The following COG8 variants were observed in gnomAD, a reference collection of about 807,000 sequenced individuals.
The protein encoded by COG8 is conserved oligomeric Golgi complex subunit 8.
Under a neutral mutation model 46.5 loss-of-function variants are expected in COG8, and 45 were observed. That is an observed-to-expected ratio of 0.97 (90% CI 0.76 to 1.24). The LOEUF is 1.24. COG8 is among the 50% of genes most tolerant of loss of function. The pLI is 0.00. For synonymous variants in COG8, 407 were observed against 347.8 expected, an observed-to-expected ratio of 1.17 and a Z score of -1.90; for missense variants, 793 against 820.8, an observed-to-expected ratio of 0.97 and a Z score of 0.41.
intron 5 of COG8, 103 bp from the exon 6 acceptor site, chr16:69,329,282 G>C (rs961881992): frequency 8.0e-7 from 1 of 1,255,388 alleles, no homozygotes; most frequent in African/African-American, 1.6e-5. Flanking sequence ...ATTGACAAGA[G>C]GCAACAGCAG....
chr16:69,329,568 G>A (rs1965718072), intron 5 of COG8, among the ~76,000 whole-genome samples: 1 of 152,202 alleles, frequency 6.6e-6, no homozygotes, highest in South Asian at 2.1e-4. Context: ...TGCTGTGCAG[G>A]AACAATCACC....
intron 1 of COG8, 60 bp downstream of exon 1, chr16:69,339,116 A>G: frequency 6.2e-7 from 1 of 1,610,220 alleles, no homozygotes; most frequent in Non-Finnish European, 8.5e-7. Flanking sequence ...AGTTATTTCT[A>G]CCATCGTAAA....
chr16:69,339,056 A>G, intron 1 of COG8, 120 bp downstream of exon 1: 1 of 1,388,736 alleles, frequency 7.2e-7, no homozygotes, highest in Non-Finnish European at 1.0e-6. Context: ...TAAATGGATT[A>G]ATAAAGCGCT....
Position 69,336,622 on chromosome 16 carries a change from C to T in COG8, c.468G>A (p.Leu156=). 6.2e-7 allele frequency: 1 copy of T among 1,614,144 alleles called. No homozygotes were observed. The highest frequency in any genetic ancestry group is 1.7e-5 in the Admixed American group (1 of 60,028). ...AGGTGTCCATGAGCTGAGGAATCTCCAGTATTTCCAAAATTTCTGTGTGCC... is the reference window on the plus strand; with the variant it reads ...AGGTGTCCATGAGCTGAGGAATCTCTAGTATTTCCAAAATTTCTGTGTGCC... The part of the protein sequence containing the change: ...LNRHTEILEI[L]EIPQLMDTCV... The change falls in exon 2 of 6, where the codon CTG becomes CTA. Residue 156 remains leucine (L), a synonymous_variant. Transcript: ENST00000306875.
At chr16:69,330,059 C>T in intron 5 of COG8, 2 of 1,556,792 alleles carry the variant, frequency 1.3e-6, no homozygotes, top group Non-Finnish European at 8.7e-7. Flanking sequence ...GCTCTCGCAG[C>T]CCTCGGGAAA....
intron 4 of COG8, among the ~76,000 whole-genome samples, 171 bp from the exon 5 acceptor site, chr16:69,331,266 C>G (rs1046684095): frequency 2.0e-5 from 3 of 151,582 alleles, no homozygotes; most frequent in Non-Finnish European, 4.4e-5. Flanking sequence ...CAGCCTGACC[C>G]ACACGGAGAA....
Position 69,332,821 on chromosome 16 carries a change from T to TG in COG8, c.1474dup (p.Gln492ProfsTer48). On this transcript the variant is annotated frameshift_variant, in exon 4 of 6. Transcript: ENST00000306875. LOFTEE classifies it high-confidence loss of function. ...AGTGCAGAACTGGACAAAGAGCTCTTGCTCCCCGCTGCTGAAGGCAGCCTC... is the reference window on the plus strand; with the variant it reads ...AGTGCAGAACTGGACAAAGAGCTCTTGGCTCCCCGCTGCTGAAGGCAGCCTC... 6.2e-7 allele frequency: 1 copy of TG among 1,614,222 alleles called. No individual in the cohort carries two copies. The highest frequency in any genetic ancestry group is 8.5e-7 in the Non-Finnish European group (1 of 1,180,026).
rs1383584560 is a variant in COG8 at position 69,327,823 on chromosome 16, G to T, written c.*1383C>A. The T allele has an allele frequency of 6.6e-6, 1 of 151,460 alleles. No individual in the cohort carries two copies. Among genetic ancestry groups the T allele is most frequent in the Non-Finnish European group, 1.5e-5 (1 of 67,982 alleles). The allele number at this position is 151,460 out of a possible 1,614,324, so 9.4% of individuals were successfully genotyped here. ...GACCAGGAATTTGAGGCCAGCCTGG[G>T]CAACATAGTAAGACCCCCGTCTCTA... On this transcript the variant is annotated 3_prime_UTR_variant, in exon 6 of 6. Transcript: ENST00000306875.
intron 5 of COG8, chr16:69,330,268 C>T: frequency 7.0e-7 from 1 of 1,436,874 alleles, no homozygotes; most frequent in Non-Finnish European, 9.1e-7. Flanking sequence ...GCCGCATCAC[C>T]TGGACCAGCC....
Position 69,328,945 on chromosome 16 carries a change from CAAGT to C in COG8, c.*257_*260del. 1 of 1,541,720 alleles carries C rather than the reference CAAGT, an allele frequency of 6.5e-7. No individual in the cohort carries two copies. Among genetic ancestry groups the C allele is most frequent in the Non-Finnish European group, 8.7e-7 (1 of 1,153,606 alleles). The stretch of plus-strand genomic sequence containing the variant: ...ATATGCGAGCCATCCAAGTTGATGC[CAAGT>C]AAGATTTGCCCAGCTCAAAGTGAAA... On this transcript the variant is annotated 3_prime_UTR_variant, in exon 6 of 6. Coordinates refer to ENST00000306875, the MANE Select transcript of COG8 (RefSeq NM_032382.5).
chr16:69,332,897 C>T lies in COG8; in HGVS notation c.1414-15G>A, dbSNP rs747470885. Reference sequence around the variant, plus strand: ...ATTTTAGTTACCTAAGAGACAAGGGCACCGTCAATTACTGGGACAGCCTAT... The same window carrying T: ...ATTTTAGTTACCTAAGAGACAAGGGTACCGTCAATTACTGGGACAGCCTAT... On this transcript the variant is annotated splice_polypyrimidine_tract_variant and intron_variant, in intron 3 of 5. Coordinates refer to ENST00000306875, the MANE Select transcript of COG8 (RefSeq NM_032382.5). The T allele has an allele frequency of 1.2e-6, 2 of 1,613,742 alleles. No homozygotes were observed. Among genetic ancestry groups the T allele is most frequent in the African/African-American group, 2.7e-5 (2 of 74,916 alleles).
intron 3 of COG8, among the ~76,000 whole-genome samples, chr16:69,333,092 T>G (rs536279793): frequency 3.9e-5 from 6 of 152,188 alleles, no homozygotes; most frequent in Non-Finnish European, 5.9e-5. Context: ...AGACCCAACT[T>G]GTTACATTAC....
rs571595612 is a variant in COG8 at position 69,334,938 on chromosome 16, G to C, written c.996C>G (p.Thr332=). Residue 332 remains threonine (T), a synonymous_variant, in exon 3 of 6, where the codon ACC becomes ACG. Coordinates refer to ENST00000306875, the MANE Select transcript of COG8 (RefSeq NM_032382.5). ...KVSQFLQVLE[T]DLYRGIGGHL... is the part of the protein sequence containing the mutation. ...GGCCGCCTATGCCCCGGTAAAGGTC[G>C]GTCTCCAGCACCTGCAGGAATTGTG... is the stretch of plus-strand genomic sequence containing the variant. 2 of 1,613,988 alleles carry C rather than the reference G, an allele frequency of 1.2e-6. No individual in the cohort carries two copies. The highest frequency in any genetic ancestry group is 1.3e-5 in the African/African-American group (1 of 74,898).
At position 69,336,675 on chromosome 16, in the gene COG8, G is replaced by A. The variant is rs201787629; in HGVS notation, c.415C>T (p.Arg139Cys). 1.1e-5 allele frequency: 18 copies of A among 1,614,048 alleles called. No homozygotes were observed. Among genetic ancestry groups the A allele is most frequent in the East Asian group, 6.7e-5 (3 of 44,880 alleles). Residue 139 changes from arginine to cysteine, a missense_variant, in exon 2 of 6, where the codon CGC (arginine) becomes TGC (cysteine). Physicochemically the swap from Arg to Cys is radical, Grantham distance 180. Transcript: ENST00000306875. Reference sequence around the variant, plus strand: ...TTTAGGGTCAGGCTATTCATCCGGCGGTTGGAGCTGATCTCCTCGGCTTCC... The same window carrying A: ...TTTAGGGTCAGGCTATTCATCCGGCAGTTGGAGCTGATCTCCTCGGCTTCC... Reference protein sequence around the residue: ...VKEAEEISSNRRMNSLTLNRH... With the variant: ...VKEAEEISSNCRMNSLTLNRH...
At chr16:69,331,650 C>G (rs2011855940) in intron 4 of COG8, among the ~76,000 whole-genome samples, 1 of 151,686 alleles carries the variant, frequency 6.6e-6, no homozygotes, top group Admixed American at 6.6e-5. Flanking sequence ...TTACAGGCGC[C>G]CGCCACCATG....
rs531948463 is a variant in COG8, at chr16:69,331,681, T to C, written c.1583-586A>G. Reference sequence around the variant, plus strand: ...CCATGCCAGGCTAATTTTTGTATTTTTAGTAGAGACGGAGTTACTATGTTG... The same window carrying C: ...CCATGCCAGGCTAATTTTTGTATTTCTAGTAGAGACGGAGTTACTATGTTG... On this transcript the variant is annotated intron_variant, in intron 4 of 5. Coordinates refer to ENST00000306875, the MANE Select transcript of COG8 (RefSeq NM_032382.5). Among the ~76,000 whole-genome samples, 10 of 152,032 alleles carry C rather than the reference T, an allele frequency of 6.6e-5. No individual in the cohort carries two copies. The East Asian group carries it at 2.0e-3, about 30-fold the overall frequency.
rs60463421 is a variant in COG8 at position 69,329,591 on chromosome 16, G to A, written c.*27-412C>T. Among the ~76,000 whole-genome samples, 657 of 152,344 alleles carry A rather than the reference G, an allele frequency of 4.3e-3. 7 individuals are homozygous for A. The highest frequency in any genetic ancestry group is 0.015 in the African/African-American group (625 of 41,578). ...AGGAACAATCACCCCGACCCCAGCA[G>A]AGCCCGCATTCCGCGAGGCATCCTG... On this transcript the variant is annotated intron_variant, in intron 5 of 5. Transcript: ENST00000306875.
At chr16:69,330,745 C>A in intron 5 of COG8, 68 bp downstream of exon 5, 1 of 1,436,432 alleles carries the variant, frequency 7.0e-7, no homozygotes, top group South Asian at 1.5e-5. Flanking sequence ...CTTCCCGCCT[C>A]CCGAACCCGC....
chr16:69,328,850 T>G lies in COG8; in HGVS notation c.*356A>C. On this transcript the variant is annotated 3_prime_UTR_variant, in exon 6 of 6. Coordinates refer to ENST00000306875, the MANE Select transcript of COG8 (RefSeq NM_032382.5). ...AGCCAACATTTTGTCCGTAACTGAT[T>G]TCAGGGCAAACATTTCTGACATCTT... The G allele has an allele frequency of 2.3e-6, 2 of 879,494 alleles. No individual in the cohort carries two copies. The highest frequency in any genetic ancestry group is 3.4e-6 in the Non-Finnish European group (2 of 588,872). The allele number at this position is 879,494 out of a possible 1,614,324, so 54.5% of individuals were successfully genotyped here. A position where few individuals can be genotyped will look rare whatever the true frequency, so the allele number is the denominator to read the frequency against.
Sources: gnomAD v4.1 joint callset for allele counts (sites outside exome capture counted in the v4.1 genomes callset) on GRCh38, gnomAD v4.1.1 for gene constraint, MANE v1.5 for transcripts, NCBI Gene and HGNC (gene_info 2026-07-23, HGNC 2026-07-21) for gene names.